The following ACSL1 variants were observed in gnomAD, a reference collection of about 807,000 sequenced individuals.
The protein encoded by ACSL1 is acyl-CoA synthetase long chain family member 1.
A neutral mutation model predicts 98.4 loss-of-function variants in ACSL1; 41 were observed. The observed-to-expected ratio is 0.42, with a 90% CI of 0.32 to 0.54. ACSL1 has a LOEUF of 0.54. Among genes scored for constraint, ACSL1 ranks in the 20% least tolerant of loss-of-function variants. The pLI is 0.13. For missense variants in ACSL1, 734 were observed against 883.1 expected (o/e 0.83, Z 2.14); for synonymous variants, 316 against 322.7 (o/e 0.98, Z 0.22).
Position 184,760,430 on chromosome 4 carries a change from G to T in ACSL1, c.1709C>A (p.Pro570His). The T allele has an allele frequency of 6.2e-7, 1 of 1,614,144 alleles. No individual in the cohort carries two copies. The highest frequency in any genetic ancestry group is 8.5e-7 in the Non-Finnish European group (1 of 1,180,028). ...FKLAQGEYIAPEKIENIYMRS... is the reference protein window; with the variant it reads ...FKLAQGEYIAHEKIENIYMRS... ...CATGTAGATATTTTCAATCTTTTCA[G>T]GGGCTATGTATTCTCCTTGTGCCAG... The change falls in exon 18 of 21, where the codon CCT becomes CAT. Residue 570 changes from proline (P) to histidine (H), a missense_variant. By Grantham distance (77) the Pro-to-His change is moderately conservative. Transcript: ENST00000281455.
At chr4:184,768,517 C>T (rs1173175392) in intron 11 of ACSL1, 67 bp from the exon 12 acceptor site, 10 of 1,531,850 alleles carry the variant, frequency 6.5e-6, no homozygotes, top group Admixed American at 2.5e-5. Context: ...ATATGGACAA[C>T]ATCCAACATT....
chr4:184,780,248 C>T (rs976552804), intron 5 of ACSL1, 84 bp downstream of exon 5: 7 of 1,162,664 alleles, frequency 6.0e-6, no homozygotes, highest in Admixed American at 3.9e-5. Context: ...AATCAGACTA[C>T]AAAATCTGGT....
chr4:184,785,615 G>GGGGGGGGGGGA (rs1767127466), intron 3 of ACSL1, among the ~76,000 whole-genome samples: 1 of 29,672 alleles, frequency 3.4e-5, no homozygotes, highest in Non-Finnish European at 1.0e-4. Context: ...GCGGGGGGGG[G>GGGGGGGGGGGA]GGGGGGAAGG....
rs147919799 is a variant in ACSL1 at position 184,780,436 on chromosome 4, A to G, written c.376-3T>C. ...ATGCACTCCGACAATTCTGCAACCT[A>G]AAATGGAGAGGAAAAAGTCAGAAGC... On this transcript the variant is annotated splice_polypyrimidine_tract_variant and splice_region_variant and intron_variant, in intron 4 of 20. Coordinates refer to ENST00000281455, the MANE Select transcript of ACSL1 (RefSeq NM_001995.5). The G allele has an allele frequency of 2.8e-4, 451 of 1,609,372 alleles. No individual in the cohort carries two copies. In the African/African-American group the frequency reaches 5.0e-3, roughly 18 times the overall value.
chr4:184,782,330 GAA>G (rs773273271), intron 4 of ACSL1, among the ~76,000 whole-genome samples: 2 of 134,626 alleles, frequency 1.5e-5, no homozygotes, highest in Non-Finnish European at 1.6e-5. Flanking sequence ...TTGGATGACT[GAA>G]AAAAAAAAAA....
chr4:184,824,527 G>A (rs1301327932), intron 1 of ACSL1, among the ~76,000 whole-genome samples: 2 of 152,172 alleles, frequency 1.3e-5, no homozygotes, highest in East Asian at 3.8e-4. Flanking sequence ...CGGCTAACAA[G>A]TTTATTTTTC....
intron 12 of ACSL1, 89 bp downstream of exon 12, chr4:184,768,227 C>T (rs1489325529): frequency 7.2e-7 from 1 of 1,398,448 alleles, no homozygotes; most frequent in Non-Finnish European, 9.7e-7. Flanking sequence ...CAGGGTCATA[C>T]AGATGGCACA....
At chr4:184,767,256 T>A (rs1763752466) in intron 12 of ACSL1, among the ~76,000 whole-genome samples, 1 of 137,352 alleles carries the variant, frequency 7.3e-6, no homozygotes, top group African/African-American at 2.8e-5. Flanking sequence ...CACTCTAGCC[T>A]GGATGACAGA....
chr4:184,802,366 G>A (rs188979864), intron 2 of ACSL1, among the ~76,000 whole-genome samples: 5 of 152,320 alleles, frequency 3.3e-5, no homozygotes, highest in East Asian at 1.9e-4. Flanking sequence ...GTCAGCCCGG[G>A]GGGGTGGGGG....
intron 2 of ACSL1, chr4:184,799,023 T>TGG (rs1043080122): frequency 6.6e-6 from 1 of 152,128 alleles, no homozygotes; most frequent in Non-Finnish European, 1.5e-5. Context: ...ATGTCTGACC[T>TGG]GGTTCAGGGA....
intron 17 of ACSL1, among the ~76,000 whole-genome samples, chr4:184,762,018 T>G (rs569053337): frequency 6.6e-6 from 1 of 151,472 alleles, no homozygotes; most frequent in South Asian, 2.1e-4. Context: ...TCCTAGATAC[T>G]TGGGAGGCTG....
At chr4:184,810,722 G>T (rs1002007833) in intron 1 of ACSL1, among the ~76,000 whole-genome samples, 1 of 147,314 alleles carries the variant, frequency 6.8e-6, no homozygotes, top group African/African-American at 2.7e-5. Context: ...GGGCTCAAGC[G>T]GATAGGATAG....
At chr4:184,789,898 T>A (rs111763293) in intron 2 of ACSL1, among the ~76,000 whole-genome samples, 2 of 125,034 alleles carry the variant, frequency 1.6e-5, no homozygotes, top group Admixed American at 8.0e-5. Context: ...TTTTTTTTTT[T>A]AATTTCAGAG....
chr4:184,808,610 A>C (rs774042030), intron 1 of ACSL1: 55 of 537,398 alleles, frequency 1.0e-4, no homozygotes, highest in Non-Finnish European at 1.2e-4. Context: ...GTCATTCACT[A>C]GCTGGGCAGA....
intron 5 of ACSL1, 26 bp from the exon 6 acceptor site, chr4:184,777,009 G>A (rs1171558302): frequency 6.3e-7 from 1 of 1,585,254 alleles, no homozygotes; most frequent in South Asian, 1.1e-5. Flanking sequence ...AGGTCAGGGA[G>A]AGAAAACAGG....
chr4:184,777,489 G>A (rs149685205), intron 5 of ACSL1, among the ~76,000 whole-genome samples: 2 of 150,918 alleles, frequency 1.3e-5, no homozygotes, highest in African/African-American at 4.9e-5. Context: ...AGAGAGGGAG[G>A]GAGGGAGGGA....
At chr4:184,816,486 A>G (rs1365912733) in intron 1 of ACSL1, among the ~76,000 whole-genome samples, 1 of 152,110 alleles carries the variant, frequency 6.6e-6, no homozygotes, top group African/African-American at 2.4e-5. Context: ...AGTGTTTAAA[A>G]GACAGAAAGA....
intron 2 of ACSL1, among the ~76,000 whole-genome samples, chr4:184,790,166 T>C (rs1043384124): frequency 2.0e-5 from 3 of 152,130 alleles, no homozygotes; most frequent in East Asian, 1.9e-4. Flanking sequence ...GGGAGACCCT[T>C]TAGAAGGGGA....
intron 1 of ACSL1, among the ~76,000 whole-genome samples, chr4:184,811,708 C>T (rs753740545): frequency 4.6e-5 from 7 of 151,808 alleles, no homozygotes; most frequent in African/African-American, 7.3e-5. Context: ...TTCGGGATGA[C>T]GAAACATTCT....
Sources: allele counts gnomAD v4.1 joint callset (sites outside exome capture counted in the v4.1 genomes callset), GRCh38; gene constraint gnomAD v4.1.1; transcripts MANE v1.5; gene names NCBI Gene and HGNC (gene_info 2026-07-23, HGNC 2026-07-21).